Variants in RFX4 observed in about 807,000 individuals in gnomAD.
RFX4 encodes regulatory factor X4.
Under a neutral mutation model 95.0 loss-of-function variants are expected in RFX4, and 10 were observed. The ratio of observed to expected loss-of-function variants is 0.11; its 90% CI spans 0.06 to 0.18. The LOEUF is 0.18. Ranked by LOEUF, RFX4 falls within the 10% of genes least tolerant of loss-of-function variation. The pLI is 1.00. For synonymous variants in RFX4, 321 were observed against 340.7 expected (o/e 0.94, Z 0.64); for missense variants, 640 against 922.0 (o/e 0.69, Z 3.96).
intron 5 of RFX4, chr12:106,682,428 C>T (rs2041534350): frequency 4.0e-6 from 1 of 247,770 alleles, no homozygotes; most frequent in South Asian, 8.0e-5. Flanking sequence ...ATGCAGTAGA[C>T]CAGAGAAGCA....
intron 17 of RFX4, among the ~76,000 whole-genome samples, chr12:106,755,881 C>T (rs1271138097): frequency 1.3e-5 from 2 of 152,224 alleles, no homozygotes; most frequent in Non-Finnish European, 2.9e-5. Flanking sequence ...ACTGAAACTA[C>T]TGCAAATAAA....
In RFX4 at chr12:106,715,500, C is replaced by T. The variant is rs201427288; in HGVS notation, c.1094C>T (p.Thr365Ile). Residue 365 changes from threonine (T) to isoleucine (I), a missense_variant, in exon 11 of 18, where the codon ACC becomes ATC. Physicochemically the swap from Thr to Ile is moderately conservative, Grantham distance 89. Transcript: ENST00000392842. Reference protein sequence around the residue: ...LNSITKQTLYTMEDSRDEHRK... With the variant: ...LNSITKQTLYIMEDSRDEHRK... ...AGCATCACCAAGCAAACCCTTTACA[C>T]CATGGAAGACTCTCGCGATGAGCAC... is the stretch of plus-strand genomic sequence containing the variant. 2 of 1,614,206 alleles carry T rather than the reference C, an allele frequency of 1.2e-6. No individual in the cohort carries two copies. The highest frequency in any genetic ancestry group is 1.7e-6 in the Non-Finnish European group (2 of 1,180,036).
At position 106,654,499 on chromosome 12, in the gene RFX4, AC is replaced by A. The variant is rs1284241829; in HGVS notation, c.315+149del. The A allele has an allele frequency of 3.4e-6, 3 of 887,836 alleles. No individual in the cohort carries two copies. The African/African-American group carries it at 5.2e-5, about 15-fold the overall frequency. 55.0% of individuals were successfully genotyped at this position (887,836 alleles called of 1,614,324 possible). ...TTGACAACTTCAACTTCACTGTAAT[AC>A]TTTGCTATCAAAATTTCAAACAATT... On this transcript the variant is annotated intron_variant, in intron 4 of 17. Coordinates refer to ENST00000392842, the MANE Select transcript of RFX4 (RefSeq NM_213594.3).
intron 8 of RFX4, 120 bp from the exon 9 acceptor site, chr12:106,709,210 A>T (rs899679054): frequency 2.6e-6 from 2 of 757,918 alleles, no homozygotes; most frequent in African/African-American, 3.6e-5. Flanking sequence ...GGTTGCTATT[A>T]CAAATGGCAC....
intron 2 of RFX4, among the ~76,000 whole-genome samples, chr12:106,619,353 G>T (rs1208077272): frequency 6.6e-6 from 1 of 152,082 alleles, no homozygotes; most frequent in African/African-American, 2.4e-5. Context: ...AAAATTCTAG[G>T]TTGGTGAGAC....
intron 3 of RFX4, among the ~76,000 whole-genome samples, chr12:106,647,614 T>C (rs1199208331): frequency 3.3e-5 from 5 of 152,216 alleles, no homozygotes; most frequent in Non-Finnish European, 7.3e-5. Context: ...GTTTACTGAC[T>C]GTGTTCAGGA....
rs1456331635 is a variant in RFX4 at position 106,750,074 on chromosome 12, G to A, written c.1797-581G>A. Among the ~76,000 whole-genome samples, 2 of 152,160 alleles carry A rather than the reference G, an allele frequency of 1.3e-5. 1 individual carries two copies. The highest frequency in any genetic ancestry group is 6.3e-3 in the Middle Eastern group (2 of 316). The stretch of plus-strand genomic sequence containing the variant: ...TCAGGGCTAGATTTCATCCCTGAAC[G>A]CTGGCTGGGGGGTAAGGGAGGTATC... On this transcript the variant is annotated intron_variant, in intron 16 of 17. Coordinates refer to ENST00000392842, the MANE Select transcript of RFX4 (RefSeq NM_213594.3).
Position 106,762,525 on chromosome 12 carries a change from CA to C in RFX4, c.*1057del, listed in dbSNP as rs2136111447. On this transcript the variant is annotated 3_prime_UTR_variant, in exon 18 of 18. Coordinates refer to ENST00000392842, the MANE Select transcript of RFX4 (RefSeq NM_213594.3). ...GAATTTTTTGTAGGCATTTTTCTGTCAGATTTGTAGTAATTTGTGAGGTTTG... is the reference window on the plus strand; with the variant it reads ...GAATTTTTTGTAGGCATTTTTCTGTCGATTTGTAGTAATTTGTGAGGTTTG... 1 of 152,540 alleles carries C rather than the reference CA, an allele frequency of 6.6e-6. No individual in the cohort carries two copies. The highest frequency in any genetic ancestry group is 1.9e-4 in the East Asian group (1 of 5,168). 9.4% of individuals were successfully genotyped at this position (152,540 alleles called of 1,614,324 possible). A position where few individuals can be genotyped will look rare whatever the true frequency, so the allele number is the denominator to read the frequency against.
chr12:106,728,439 T>C (rs1330292877), intron 13 of RFX4, among the ~76,000 whole-genome samples: 5 of 152,090 alleles, frequency 3.3e-5, no homozygotes, highest in Non-Finnish European at 2.9e-5. Flanking sequence ...TGAGTCTCTA[T>C]TGTGTGCCTG....
At chr12:106,619,424 G>A (rs1175067789) in intron 2 of RFX4, among the ~76,000 whole-genome samples, 2 of 152,002 alleles carry the variant, frequency 1.3e-5, no homozygotes, top group Non-Finnish European at 2.9e-5. Context: ...GTCTTCTGGG[G>A]TCCAAAAATG....
At chr12:106,699,241 C>T (rs1052579001) in intron 8 of RFX4, among the ~76,000 whole-genome samples, 1 of 151,966 alleles carries the variant, frequency 6.6e-6, no homozygotes, top group Non-Finnish European at 1.5e-5. Context: ...TTAATAATTT[C>T]TAGTTTAATT....
intron 15 of RFX4, among the ~76,000 whole-genome samples, chr12:106,744,938 C>T (rs1357814649): frequency 6.6e-6 from 1 of 152,098 alleles, no homozygotes; most frequent in Non-Finnish European, 1.5e-5. Context: ...TTGAACAGTT[C>T]ATAGTTAAAG....
intron 8 of RFX4, among the ~76,000 whole-genome samples, chr12:106,701,657 G>A (rs1012635713): frequency 1.3e-5 from 2 of 152,136 alleles, no homozygotes; most frequent in Non-Finnish European, 2.9e-5. Flanking sequence ...TGCTACTAAT[G>A]AGACTATTGA....
At chr12:106,731,173 G>T (rs1295659236) in intron 13 of RFX4, among the ~76,000 whole-genome samples, 3 of 152,150 alleles carry the variant, frequency 2.0e-5, no homozygotes, top group Non-Finnish European at 4.4e-5. Context: ...ATAAAGGCTT[G>T]GCCCCTCTCT....
chr12:106,662,384 G>C (rs986750211), intron 4 of RFX4: 2 of 153,436 alleles, frequency 1.3e-5, no homozygotes, highest in African/African-American at 4.8e-5. Context: ...GTTAAGTAAG[G>C]TCTTTGGTCC....
intron 2 of RFX4, 83 bp from the exon 3 acceptor site, chr12:106,639,249 T>C: frequency 3.3e-6 from 4 of 1,199,680 alleles, no homozygotes; most frequent in Non-Finnish European, 4.8e-6. Context: ...CATAGTCTTT[T>C]GAAACTTGGG....
At chr12:106,601,094 C>G in intron 1 of RFX4, 1 of 1,383,240 alleles carries the variant, frequency 7.2e-7, no homozygotes, top group African/African-American at 1.5e-5. Context: ...CAGGGCAGGG[C>G]CCCTTCCTGG....
intron 11 of RFX4, among the ~76,000 whole-genome samples, chr12:106,717,874 T>C (rs767399510): frequency 3.9e-5 from 6 of 152,102 alleles, no homozygotes; most frequent in Non-Finnish European, 7.4e-5. Flanking sequence ...ACACAGGGAG[T>C]TGGACCAAAG....
intron 9 of RFX4, among the ~76,000 whole-genome samples, chr12:106,710,272 G>A (rs1459532207): frequency 6.6e-6 from 1 of 152,170 alleles, no homozygotes; most frequent in African/African-American, 2.4e-5. Flanking sequence ...CTCTCCACAG[G>A]CAAAGGGAGC....
Sources: allele counts gnomAD v4.1 joint callset (sites outside exome capture counted in the v4.1 genomes callset), GRCh38; gene constraint gnomAD v4.1.1; transcripts MANE v1.5; gene names NCBI Gene and HGNC (gene_info 2026-07-23, HGNC 2026-07-21).